Variants in GPHN observed in about 807,000 individuals in gnomAD.
The protein encoded by GPHN is gephyrin.
GPHN carries 17 observed loss-of-function variants against 95.5 expected under a neutral mutation model. The observed-to-expected ratio is 0.18, with a 90% confidence interval of 0.12 to 0.27. The LOEUF is 0.27. GPHN is among the 10% of genes least tolerant of loss of function. GPHN has a pLI of 1.00. For missense variants in GPHN, 660 were observed against 978.1 expected (o/e 0.67, Z 4.34); for synonymous variants, 320 against 322.5 (o/e 0.99, Z 0.08).
intron 4 of GPHN, among the ~76,000 whole-genome samples, chr14:66,861,922 C>T (rs2063039210): frequency 6.6e-6 from 1 of 151,778 alleles, no homozygotes; most frequent in Non-Finnish European, 1.5e-5. Context: ...AATGATGCAT[C>T]TCAGAGAACT....
At chr14:67,118,726 C>T (rs2033103978) in intron 16 of GPHN, among the ~76,000 whole-genome samples, 2 of 150,712 alleles carry the variant, frequency 1.3e-5, no homozygotes, top group African/African-American at 2.4e-5. Context: ...AGCGAGACTC[C>T]GTCTCAAAAA....
chr14:66,570,994 T>G (rs2060665240), intron 1 of GPHN, among the ~76,000 whole-genome samples: 1 of 152,180 alleles, frequency 6.6e-6, no homozygotes, highest in Non-Finnish European at 1.5e-5. Flanking sequence ...TTGAGTTCCT[T>G]ATATATTCTG....
chr14:67,383,641 G>C, the GPHN span: 1 of 633,964 alleles, frequency 1.6e-6, no homozygotes, highest in Non-Finnish European at 2.6e-6. Flanking sequence ...CCAACACTTT[G>C]AGCATTTTTA....
chr14:67,174,101 C>T (rs8012697), intron 21 of GPHN, among the ~76,000 whole-genome samples: 10,545 of 152,274 alleles, frequency 0.069, 531 homozygotes, highest in Non-Finnish European at 0.11. Context: ...ACTTTAACTT[C>T]TGGGGTACAT....
At chr14:66,979,114 G>A (rs1197583581) in intron 9 of GPHN, among the ~76,000 whole-genome samples, 1 of 152,310 alleles carries the variant, frequency 6.6e-6, no homozygotes. Flanking sequence ...CACAGGCAGG[G>A]TAGATTTTGC....
At chr14:67,393,093 C>T in the GPHN span, 1 of 1,298,286 alleles carries the variant, frequency 7.7e-7, no homozygotes. Flanking sequence ...ACAGCTGAGC[C>T]CTGCATCACC....
the GPHN span, among the ~76,000 whole-genome samples, chr14:67,273,244 C>G: frequency 1.3e-5 from 2 of 151,670 alleles, no homozygotes; most frequent in Non-Finnish European, 2.9e-5. Flanking sequence ...TTAGGTATAT[C>G]TCCTAATGCT....
At chr14:67,189,067 G>A in the GPHN span, among the ~76,000 whole-genome samples, 1 of 152,096 alleles carries the variant, frequency 6.6e-6, no homozygotes, top group Non-Finnish European at 1.5e-5. Context: ...GGCTCAAAGT[G>A]CCTTAAATAT....
intron 1 of GPHN, among the ~76,000 whole-genome samples, chr14:66,631,946 C>T (rs1249084271): frequency 2.0e-5 from 3 of 152,224 alleles, no homozygotes; most frequent in Admixed American, 1.3e-4. Flanking sequence ...GTTGTTTGAA[C>T]TCTTTATTAT....
At chr14:67,461,284 G>A in the GPHN span, among the ~76,000 whole-genome samples, 2 of 152,176 alleles carry the variant, frequency 1.3e-5, no homozygotes, top group African/African-American at 2.4e-5. Flanking sequence ...ATTTTCAGAT[G>A]AGGAAACTGA....
the GPHN span, chr14:67,589,600 C>T: frequency 2.0e-6 from 2 of 985,942 alleles, no homozygotes; most frequent in African/African-American, 3.5e-5. Flanking sequence ...AGAACACAGG[C>T]ACTAGGTTGA....
intron 2 of GPHN, among the ~76,000 whole-genome samples, chr14:66,724,892 A>G (rs1289040851): frequency 6.6e-6 from 1 of 152,196 alleles, no homozygotes; most frequent in African/African-American, 2.4e-5. Context: ...GCCCAGAACT[A>G]AAATAATATC....
At chr14:67,366,910 GCTAAGGTT>G in the GPHN span, among the ~76,000 whole-genome samples, 3 of 143,532 alleles carry the variant, frequency 2.1e-5, no homozygotes, top group African/African-American at 8.4e-5. Context: ...AAGCCAGGCA[GCTAAGGTT>G]CTAGCAGAAA....
chr14:66,643,963 A>G (rs972460309), intron 1 of GPHN, among the ~76,000 whole-genome samples: 1 of 151,996 alleles, frequency 6.6e-6, no homozygotes, highest in African/African-American at 2.4e-5. Context: ...TAGGAGAAGT[A>G]TATGCATAAT....
At chr14:66,638,638 C>T (rs962443862) in intron 1 of GPHN, among the ~76,000 whole-genome samples, 5 of 152,030 alleles carry the variant, frequency 3.3e-5, no homozygotes, top group African/African-American at 1.2e-4. Flanking sequence ...ATCAGAGACC[C>T]CATCTTTGTA....
At chr14:66,564,410 C>T (rs1315745430) in intron 1 of GPHN, among the ~76,000 whole-genome samples, 2 of 152,024 alleles carry the variant, frequency 1.3e-5, no homozygotes, top group African/African-American at 4.8e-5. Context: ...TACAAAAACT[C>T]AATATATTAT....
the GPHN span, chr14:67,395,367 A>C: frequency 6.3e-7 from 1 of 1,589,940 alleles, no homozygotes; most frequent in Admixed American, 1.7e-5. Context: ...CAGGCAGGAG[A>C]GGCTGCCACA....
the GPHN span, chr14:67,701,765 G>T: frequency 6.6e-6 from 1 of 151,868 alleles, no homozygotes; most frequent in African/African-American, 2.4e-5. Context: ...TTGAACTTTT[G>T]TTTTGCCCTA....
chr14:66,954,866 C>A (rs1297582954), intron 8 of GPHN, among the ~76,000 whole-genome samples: 1 of 152,088 alleles, frequency 6.6e-6, no homozygotes, highest in Non-Finnish European at 1.5e-5. Flanking sequence ...CGGAGATGAT[C>A]ATTTGTGAAG....
Sources: gnomAD v4.1 joint callset for allele counts (sites outside exome capture counted in the v4.1 genomes callset) on GRCh38, gnomAD v4.1.1 for gene constraint, MANE v1.5 for transcripts, NCBI Gene and HGNC (gene_info 2026-07-23, HGNC 2026-07-21) for gene names.